HIRA: variants seen among roughly 807,000 people sequenced by gnomAD.
The protein encoded by HIRA is histone cell cycle regulator.
In HIRA, 13 loss-of-function variants were observed where a neutral mutation model predicts 126.6. That is an observed-to-expected ratio of 0.10 (90% confidence interval 0.07 to 0.16). The LOEUF is 0.16. HIRA is among the 10% of genes least tolerant of loss of function. HIRA has a pLI of 1.00. For missense variants in HIRA, 834 were observed against 1,314.4 expected (o/e 0.63, Z 5.65); for synonymous variants, 511 against 520.0 (o/e 0.98, Z 0.24).
intron 1 of HIRA, among the ~76,000 whole-genome samples, chr22:19,412,408 C>T (rs2089361084): frequency 6.6e-6 from 1 of 152,210 alleles, no homozygotes; most frequent in Non-Finnish European, 1.5e-5. Context: ...AATAATAAAA[C>T]TGTTATTGGT....
intron 1 of HIRA, among the ~76,000 whole-genome samples, chr22:19,428,031 A>G (rs1169348183): frequency 1.3e-5 from 2 of 152,240 alleles, no homozygotes; most frequent in East Asian, 3.8e-4. Context: ...GATAGCTATT[A>G]TATTTCAATT....
At chr22:19,398,325 C>A (rs1453901342) in intron 5 of HIRA, among the ~76,000 whole-genome samples, 2 of 152,256 alleles carry the variant, frequency 1.3e-5, no homozygotes, top group African/African-American at 4.8e-5. Flanking sequence ...AGAGCTTGGG[C>A]ACCATATGGC....
chr22:19,405,864 T>C lies in HIRA; in HGVS notation c.319A>G (p.Thr107Ala). The change falls in exon 5 of 25, where the codon ACC becomes GCC. Residue 107 changes from threonine to alanine, a missense_variant. Transcript: ENST00000263208. The part of the protein sequence containing the change: ...WKRATYIGPS[T>A]VFGSSGKLAN... Reference sequence around the variant, plus strand: ...AGCTTACCACTGGAGCCGAACACGGTGCTGGGGCCGATGTACCTGTGTGAG... The same window carrying C: ...AGCTTACCACTGGAGCCGAACACGGCGCTGGGGCCGATGTACCTGTGTGAG... 6.7e-7 allele frequency: 1 copy of C among 1,500,292 alleles called. No homozygotes were observed. Among genetic ancestry groups the C allele is most frequent in the South Asian group, 1.3e-5 (1 of 75,642 alleles). The allele number at this position is 1,500,292 out of a possible 1,614,324, so 92.9% of individuals were successfully genotyped here.
chr22:19,379,629 A>T (rs1463652464), intron 13 of HIRA, among the ~76,000 whole-genome samples: 1 of 135,820 alleles, frequency 7.4e-6, no homozygotes, highest in Non-Finnish European at 1.6e-5. Flanking sequence ...CGCCTCAATT[A>T]AAAAAAAAAA....
At chr22:19,340,243 T>A (rs1282877191) in intron 24 of HIRA, among the ~76,000 whole-genome samples, 1 of 151,788 alleles carries the variant, frequency 6.6e-6, no homozygotes, top group East Asian at 1.9e-4. Flanking sequence ...ATGAGATACA[T>A]CACATAAACA....
intron 1 of HIRA, among the ~76,000 whole-genome samples, chr22:19,431,203 C>G (rs1049391060): frequency 1.6e-4 from 24 of 152,218 alleles, no homozygotes; most frequent in African/African-American, 5.8e-4. Flanking sequence ...CAGCGGAAGA[C>G]TCAGAGCAAG....
chr22:19,427,960 C>G (rs2089501314), intron 1 of HIRA, among the ~76,000 whole-genome samples: 1 of 152,108 alleles, frequency 6.6e-6, no homozygotes, highest in African/African-American at 2.4e-5. Flanking sequence ...AATACTGTAT[C>G]CAAGAACACG....
At chr22:19,381,366 T>C (rs1601832059) in intron 13 of HIRA, among the ~76,000 whole-genome samples, 2 of 152,226 alleles carry the variant, frequency 1.3e-5, no homozygotes, top group East Asian at 3.8e-4. Flanking sequence ...CTAGGACCTA[T>C]AGAACAATGT....
rs117275999 is a variant in HIRA, at chr22:19,424,848, T to C, written c.37+6592A>G. 3.7e-3 allele frequency among the ~76,000 whole-genome samples: 556 copies of C among 152,286 alleles called. 2 individuals are homozygous for C. The highest frequency in any genetic ancestry group is 6.1e-3 in the Non-Finnish European group (418 of 68,014). ...CTATCGTATATAACAAGTCCTGAGA[T>C]AGGTCAGCTTCAGGGTGCATTAATT... On this transcript the variant is annotated intron_variant, in intron 1 of 24. Coordinates refer to ENST00000263208, the MANE Select transcript of HIRA (RefSeq NM_003325.4).
At chr22:19,342,393 G>T (rs1221204113) in intron 24 of HIRA, among the ~76,000 whole-genome samples, 1 of 152,046 alleles carries the variant, frequency 6.6e-6, no homozygotes, top group Non-Finnish European at 1.5e-5. Flanking sequence ...AACAGTATGG[G>T]GACTCGTTCT....
intron 15 of HIRA, among the ~76,000 whole-genome samples, chr22:19,373,171 T>C (rs1202191970): frequency 6.6e-6 from 1 of 152,228 alleles, no homozygotes; most frequent in Non-Finnish European, 1.5e-5. Flanking sequence ...ATTTAGTTCT[T>C]TGTTCCCTTT....
chr22:19,369,927 TC>T (rs1352344376), intron 15 of HIRA, among the ~76,000 whole-genome samples: 1 of 152,174 alleles, frequency 6.6e-6, no homozygotes, highest in Admixed American at 6.5e-5. Context: ...AGACTCTGTC[TC>T]AAAAAACAAA....
rs1186228642 is a variant in HIRA at position 19,330,758 on chromosome 22, G to A, written c.*682C>T. The A allele has an allele frequency of 6.4e-6, 1 of 157,362 alleles. No homozygotes were observed. Among genetic ancestry groups the A allele is most frequent in the Non-Finnish European group, 1.4e-5 (1 of 71,110 alleles). The allele number at this position is 157,362 out of a possible 1,614,324, so 9.7% of individuals were successfully genotyped here. On this transcript the variant is annotated 3_prime_UTR_variant, in exon 25 of 25. Coordinates refer to ENST00000263208, the MANE Select transcript of HIRA (RefSeq NM_003325.4). ...TACAAAAGAAATCGCCCACCCCTTT[G>A]CCCCATTCCCCCAAAACAGTCTCTT... is the stretch of plus-strand genomic sequence containing the variant.
chr22:19,355,918 T>C (rs868924745), intron 20 of HIRA, 53 bp from the exon 21 acceptor site: 4 of 1,243,388 alleles, frequency 3.2e-6, no homozygotes, highest in Non-Finnish European at 4.7e-6. Flanking sequence ...GCAAGTGTTT[T>C]CAAACATATC....
intron 14 of HIRA, among the ~76,000 whole-genome samples, chr22:19,376,127 C>A (rs1400439368): frequency 6.6e-6 from 1 of 152,158 alleles, no homozygotes; most frequent in African/African-American, 2.4e-5. Context: ...TACAGCACCT[C>A]TACCCCAAAC....
chr22:19,405,661 G>T, intron 5 of HIRA, 125 bp downstream of exon 5: 1 of 858,978 alleles, frequency 1.2e-6, no homozygotes, highest in Non-Finnish European at 1.6e-6. Flanking sequence ...TGATTGTGAT[G>T]GGGTGGGACA....
chr22:19,390,506 G>T (rs1051783540), intron 9 of HIRA, among the ~76,000 whole-genome samples: 3 of 145,914 alleles, frequency 2.1e-5, no homozygotes, highest in African/African-American at 5.1e-5. Flanking sequence ...GGAGAATCTC[G>T]CTCGAACCCA....
chr22:19,431,544 C>A lies in HIRA; in HGVS notation c.-68G>T. ...CCCTCAGCGCGCCCGGGCCATGGAG[C>A]CACCGCCGCCGCTTCCTCCCGCGCC... On this transcript the variant is annotated 5_prime_UTR_variant, in exon 1 of 25. Transcript: ENST00000263208. 3 of 1,243,930 alleles carry A rather than the reference C, an allele frequency of 2.4e-6. No homozygotes were observed. Among genetic ancestry groups the A allele is most frequent in the South Asian group, 1.7e-5 (1 of 58,412 alleles). 77.1% of individuals were successfully genotyped at this position (1,243,930 alleles called of 1,614,324 possible).
chr22:19,357,196 G>T (rs2088821086), intron 18 of HIRA, 145 bp from the exon 19 acceptor site: 1 of 901,516 alleles, frequency 1.1e-6, no homozygotes, highest in Non-Finnish European at 1.7e-6. Context: ...GGTGGATTGG[G>T]TCAGGGTAGG....
Sources: gnomAD v4.1 joint callset for allele counts (sites outside exome capture counted in the v4.1 genomes callset) on GRCh38, gnomAD v4.1.1 for gene constraint, MANE v1.5 for transcripts, NCBI Gene and HGNC (gene_info 2026-07-23, HGNC 2026-07-21) for gene names.